The following PHF14 variants were observed in gnomAD, a reference collection of about 807,000 sequenced individuals.
PHF14 encodes PHD finger protein 14.
PHF14 carries 55 observed loss-of-function variants against 117.9 expected under a neutral mutation model. The ratio of observed to expected loss-of-function variants is 0.47; its 90% CI spans 0.38 to 0.58. The LOEUF is 0.58. Ranked by LOEUF, PHF14 falls within the 20% of genes least tolerant of loss-of-function variation. The probability of loss-of-function intolerance (pLI) is 0.00; values close to 1 mark genes in which losing one functional copy is unlikely to be tolerated. For synonymous variants in PHF14, 409 were observed against 368.6 expected (o/e 1.11, Z -1.26); for missense variants, 978 against 1,122.2 (o/e 0.87, Z 1.84).
At chr7:11,125,121 A>G (rs771641719) in intron 17 of PHF14, among the ~76,000 whole-genome samples, 2 of 152,138 alleles carry the variant, frequency 1.3e-5, no homozygotes, top group African/African-American at 4.8e-5. Flanking sequence ...TAGACACAGC[A>G]GAAACTAATC....
intron 4 of PHF14, among the ~76,000 whole-genome samples, chr7:11,003,753 A>G (rs1199825587): frequency 6.6e-6 from 1 of 152,232 alleles, no homozygotes; most frequent in Non-Finnish European, 1.5e-5. Context: ...ATTCTTAATT[A>G]TAAGTGACAT....
Position 11,017,577 on chromosome 7 carries a change from C to A in PHF14, c.1205+3671C>A, listed in dbSNP as rs560001920. On this transcript the variant is annotated intron_variant, in intron 5 of 17. Coordinates refer to ENST00000634607, the MANE Select transcript of PHF14 (RefSeq NM_001007157.2). ...TTTTTTGAGAAATGTCTATTCAAAT[C>A]TTTTGTCTGTTTTTAATCAGATTAT... 8.6e-5 allele frequency among the ~76,000 whole-genome samples: 13 copies of A among 151,990 alleles called. No individual in the cohort carries two copies. The East Asian group carries it at 2.5e-3, about 29-fold the overall frequency.
intron 5 of PHF14, among the ~76,000 whole-genome samples, chr7:11,018,048 C>G (rs1783592598): frequency 6.6e-6 from 1 of 152,006 alleles, no homozygotes; most frequent in Non-Finnish European, 1.5e-5. Flanking sequence ...TTCCTGGCAC[C>G]TTTGTTAGGC....
intron 16 of PHF14, chr7:11,108,565 G>C (rs1416835941): frequency 6.6e-6 from 1 of 151,634 alleles, no homozygotes; most frequent in Admixed American, 6.6e-5. Context: ...AATTCTGAAA[G>C]GTATCACTAA....
intron 16 of PHF14, chr7:11,063,566 C>A (rs1319815541): frequency 1.0e-5 from 10 of 968,344 alleles, no homozygotes; most frequent in Non-Finnish European, 1.2e-5. Context: ...ATTATTTGAA[C>A]CTGTATGAGT....
rs181465817 is a variant in PHF14 at position 11,017,619 on chromosome 7, G to C, written c.1205+3713G>C. Among the ~76,000 whole-genome samples the C allele has an allele frequency of 1.7e-4, 26 of 151,740 alleles. 2 individuals carry two copies. The highest frequency in any genetic ancestry group is 6.3e-4 in the African/African-American group (26 of 41,368). On this transcript the variant is annotated intron_variant, in intron 5 of 17. Coordinates refer to ENST00000634607, the MANE Select transcript of PHF14 (RefSeq NM_001007157.2). The stretch of plus-strand genomic sequence containing the variant: ...TCAGATTATTAGATTTTTTCCTGTG[G>C]AGTTATTTGAACTCCTTGTATATTC...
At chr7:11,114,206 C>T (rs7811275) in intron 17 of PHF14, among the ~76,000 whole-genome samples, 14,175 of 151,946 alleles carry the variant, frequency 0.093, 1,243 homozygotes, top group African/African-American at 0.23. Context: ...ATTTTGACTC[C>T]CTATTTGTTT....
chr7:10,978,769 T>C (rs1274415183), intron 2 of PHF14, among the ~76,000 whole-genome samples: 1 of 152,122 alleles, frequency 6.6e-6, no homozygotes, highest in Non-Finnish European at 1.5e-5. Context: ...TCCACTGTTG[T>C]GGCAACTATT....
chr7:11,157,690 C>T (rs1359615906), intron 17 of PHF14, among the ~76,000 whole-genome samples: 5 of 152,092 alleles, frequency 3.3e-5, no homozygotes, highest in Non-Finnish European at 4.4e-5. Context: ...AAACTGCAAG[C>T]GTTTAAAAAC....
At chr7:11,108,843 T>C (rs1787352747) in intron 16 of PHF14, 1 of 151,746 alleles carries the variant, frequency 6.6e-6, no homozygotes. Context: ...TGAATTATGA[T>C]ACACATGCAT....
chr7:11,057,745 C>G (rs1785066945), intron 14 of PHF14, among the ~76,000 whole-genome samples: 1 of 152,134 alleles, frequency 6.6e-6, no homozygotes, highest in African/African-American at 2.4e-5. Context: ...TACATTGTCT[C>G]TAATACCATG....
chr7:11,026,495 C>T (rs1783915478), intron 6 of PHF14, among the ~76,000 whole-genome samples: 1 of 152,052 alleles, frequency 6.6e-6, no homozygotes, highest in Admixed American at 6.5e-5. Context: ...GTTATTTGAG[C>T]ATTAACAGAT....
At chr7:11,049,058 T>C (rs142521527) in intron 13 of PHF14, among the ~76,000 whole-genome samples, 1 of 152,270 alleles carries the variant, frequency 6.6e-6, no homozygotes, top group East Asian at 1.9e-4. Flanking sequence ...AGAGGAAATA[T>C]TTCAGTTTTT....
chr7:11,121,817 T>C (rs750638485), intron 17 of PHF14, among the ~76,000 whole-genome samples: 19 of 152,060 alleles, frequency 1.2e-4, no homozygotes, highest in Non-Finnish European at 2.1e-4. Context: ...TTCAGAATGG[T>C]ATGCAATTTA....
At chr7:11,149,859 CTT>C (rs926877929) in intron 17 of PHF14, among the ~76,000 whole-genome samples, 5 of 151,832 alleles carry the variant, frequency 3.3e-5, no homozygotes, top group African/African-American at 4.8e-5. Context: ...AGTTTCACCT[CTT>C]TTACAATTTT....
At chr7:11,108,142 C>G (rs563166756) in intron 16 of PHF14, 1 of 151,762 alleles carries the variant, frequency 6.6e-6, no homozygotes, top group African/African-American at 2.4e-5. Flanking sequence ...TTAATTCTTG[C>G]AAGTTCTGCT....
At chr7:11,160,892 T>C (rs1350712957) in intron 17 of PHF14, among the ~76,000 whole-genome samples, 1 of 152,194 alleles carries the variant, frequency 6.6e-6, no homozygotes, top group East Asian at 1.9e-4. Flanking sequence ...TAGTTTCTTT[T>C]GCTGTACAGA....
At chr7:11,024,031 A>G (rs1583380660) in intron 6 of PHF14, among the ~76,000 whole-genome samples, 1 of 152,188 alleles carries the variant, frequency 6.6e-6, no homozygotes, top group African/African-American at 2.4e-5. Context: ...TGCAAAGGAA[A>G]AGCTCTTGAA....
At chr7:11,066,079 A>G (rs1005764789) in intron 16 of PHF14, among the ~76,000 whole-genome samples, 1 of 152,178 alleles carries the variant, frequency 6.6e-6, no homozygotes, top group African/African-American at 2.4e-5. Flanking sequence ...TTTGATTACA[A>G]GGGTAGGGTG....
Sources: allele counts gnomAD v4.1 joint callset (sites outside exome capture counted in the v4.1 genomes callset), GRCh38; gene constraint gnomAD v4.1.1; transcripts MANE v1.5; gene names NCBI Gene and HGNC (gene_info 2026-07-23, HGNC 2026-07-21).